Variants in TAF5L observed in about 807,000 individuals in gnomAD.
TAF5L encodes TATA-box binding protein associated factor 5 like, also known as TAF5-like RNA polymerase II p300/CBP-associated factor-associated factor 65 kDa subunit 5L.
Under a neutral mutation model 51.3 loss-of-function variants are expected in TAF5L, and 7 were observed. That is an observed-to-expected ratio of 0.14 (90% CI 0.08 to 0.26). The LOEUF (loss-of-function observed/expected upper bound fraction) is 0.26. TAF5L is among the 10% of genes least tolerant of loss of function. The pLI is 1.00. For missense variants in TAF5L, 575 were observed against 758.9 expected (o/e 0.76, Z 2.85); for synonymous variants, 291 against 308.1 (o/e 0.94, Z 0.58).
At chr1:229,612,774 G>A (rs551736485) in intron 2 of TAF5L, among the ~76,000 whole-genome samples, 5 of 152,278 alleles carry the variant, frequency 3.3e-5, no homozygotes, top group South Asian at 2.1e-4. Flanking sequence ...AGGTAACTGC[G>A]GCTACTAGGA....
chr1:229,605,110 A>ATG (rs1553270425), intron 3 of TAF5L, among the ~76,000 whole-genome samples: 1,030 of 62,850 alleles, frequency 0.016, 34 homozygotes, highest in African/African-American at 0.039. Flanking sequence ...TTTTGTATGT[A>ATG]TATATATATA....
chr1:229,626,122 T>C (rs1392463063), upstream of TAF5L: 1 of 151,366 alleles, frequency 6.6e-6, no homozygotes, highest in African/African-American at 2.4e-5. Context: ...TCTCCGCCAA[T>C]GGGCGAGGCG....
chr1:229,597,927 C>T (rs1444726), intron 4 of TAF5L, among the ~76,000 whole-genome samples: 20,564 of 152,178 alleles, frequency 0.14, 2,128 homozygotes, highest in East Asian at 0.42. Context: ...AGAGCTCACA[C>T]TCACGTTTCC....
intron 1 of TAF5L, among the ~76,000 whole-genome samples, chr1:229,618,205 C>T (rs1346596966): frequency 6.6e-6 from 1 of 152,178 alleles, no homozygotes; most frequent in Middle Eastern, 3.2e-3. Flanking sequence ...AGTGCAGTTT[C>T]GTTACCTGCC....
chr1:229,621,186 T>G (rs1665189502), intron 1 of TAF5L, among the ~76,000 whole-genome samples: 1 of 152,222 alleles, frequency 6.6e-6, no homozygotes, highest in East Asian at 1.9e-4. Context: ...TAAGTAGTCA[T>G]AAGTGGCCAA....
At chr1:229,603,778 C>A (rs12066105) in intron 3 of TAF5L, among the ~76,000 whole-genome samples, 2 of 152,156 alleles carry the variant, frequency 1.3e-5, no homozygotes, top group Admixed American at 6.5e-5. Context: ...GAGAAAAGAA[C>A]AGAGGTATAA....
At chr1:229,615,526 G>C (rs2102761804) in intron 1 of TAF5L, among the ~76,000 whole-genome samples, 1 of 152,136 alleles carries the variant, frequency 6.6e-6, no homozygotes, top group East Asian at 1.9e-4. Context: ...AGAAAGGAAA[G>C]TGGTAGGAAG....
chr1:229,604,495 G>A (rs1219916395), intron 3 of TAF5L, among the ~76,000 whole-genome samples: 1 of 152,184 alleles, frequency 6.6e-6, no homozygotes, highest in Non-Finnish European at 1.5e-5. Context: ...GAGTTACAGT[G>A]TTGGCTGGGG....
chr1:229,601,213 G>GGA (rs1664361077), intron 4 of TAF5L: 1 of 985,036 alleles, frequency 1.0e-6, no homozygotes, highest in Admixed American at 6.2e-5. Flanking sequence ...AACAGGAACA[G>GGA]GAAAACAATG....
intron 3 of TAF5L, among the ~76,000 whole-genome samples, chr1:229,608,811 G>A (rs925322199): frequency 4.6e-5 from 7 of 151,974 alleles, no homozygotes; most frequent in African/African-American, 1.7e-4. Context: ...AACCAGCCTG[G>A]GCAACACAGT....
At position 229,596,852 on chromosome 1, in the gene TAF5L, C is replaced by T. The variant is rs80200413; in HGVS notation, c.973-1758G>A. Among the ~76,000 whole-genome samples the T allele has an allele frequency of 3.8e-3, 580 of 152,144 alleles. 4 individuals carry two copies. Among genetic ancestry groups the T allele is most frequent in the African/African-American group, 0.013 (531 of 41,512 alleles). On this transcript the variant is annotated intron_variant, in intron 4 of 4. Transcript: ENST00000258281. ...TGGTTCATTGTGGCAGCCTTAGGTTCTTGTATAAGAAAAGGGCACCTTTTT... is the reference window on the plus strand; with the variant it reads ...TGGTTCATTGTGGCAGCCTTAGGTTTTTGTATAAGAAAAGGGCACCTTTTT...
At chr1:229,606,076 A>C (rs1202512538) in intron 3 of TAF5L, 1 of 922,072 alleles carries the variant, frequency 1.1e-6, no homozygotes, top group Non-Finnish European at 1.3e-6. Flanking sequence ...TTAGAAAAAA[A>C]CCTAGCTATC....
At chr1:229,619,099 T>C (rs1302324680) in intron 1 of TAF5L, among the ~76,000 whole-genome samples, 1 of 152,210 alleles carries the variant, frequency 6.6e-6, no homozygotes, top group African/African-American at 2.4e-5. Context: ...AAGTGTCTAC[T>C]AGGTAACTCA....
rs1665095430 is a variant in TAF5L, at chr1:229,618,714, A to G, written c.-3-4229T>C. 2.6e-5 allele frequency among the ~76,000 whole-genome samples: 4 copies of G among 152,102 alleles called. No homozygotes were observed. The South Asian group carries it at 8.3e-4, about 31-fold the overall frequency. ...GTCAGTGTGGAACTCTAGTCTGGTCAATCCCTTCAGTGGTTACACGCTGCA... is the reference window on the plus strand; with the variant it reads ...GTCAGTGTGGAACTCTAGTCTGGTCGATCCCTTCAGTGGTTACACGCTGCA... On this transcript the variant is annotated intron_variant, in intron 1 of 4. Coordinates refer to ENST00000258281, the Ensembl canonical transcript of TAF5L.
At chr1:229,611,681 T>C (rs2102758005) in intron 2 of TAF5L, among the ~76,000 whole-genome samples, 1 of 152,304 alleles carries the variant, frequency 6.6e-6, no homozygotes, top group Admixed American at 6.5e-5. Context: ...TACCACTTCC[T>C]CAACTGAGGC....
At chr1:229,613,329 C>CAAAAAAAAAAAAAAAA (rs567436350) in intron 2 of TAF5L, among the ~76,000 whole-genome samples, 2 of 84,568 alleles carry the variant, frequency 2.4e-5, no homozygotes, top group Non-Finnish European at 4.8e-5. Flanking sequence ...GACTCTGTCT[C>CAAAAAAAAAAAAAAAA]AAAAAAAAAA....
chr1:229,615,376 C>T (rs1230472379), intron 1 of TAF5L, among the ~76,000 whole-genome samples: 3 of 152,132 alleles, frequency 2.0e-5, no homozygotes, highest in South Asian at 2.1e-4. Flanking sequence ...CGTGAGCCAC[C>T]GCGCCTGGCC....
intron 1 of TAF5L, among the ~76,000 whole-genome samples, chr1:229,621,141 A>G (rs1665187853): frequency 6.6e-6 from 1 of 152,240 alleles, no homozygotes; most frequent in South Asian, 2.1e-4. Flanking sequence ...GACTAGTGCA[A>G]CTAAGGAACT....
chr1:229,610,953 T>C (rs1467664692), intron 2 of TAF5L, among the ~76,000 whole-genome samples: 3 of 152,234 alleles, frequency 2.0e-5, no homozygotes, highest in Non-Finnish European at 4.4e-5. Flanking sequence ...TTTTCTTCTG[T>C]TTCTTTCCAT....
Sources: gnomAD v4.1 joint callset for allele counts (sites outside exome capture counted in the v4.1 genomes callset) on GRCh38, gnomAD v4.1.1 for gene constraint, MANE v1.5 for transcripts, NCBI Gene and HGNC (gene_info 2026-07-23, HGNC 2026-07-21) for gene names.